The following TMEM266 variants were observed in gnomAD, a reference collection of about 807,000 sequenced individuals.
The protein encoded by TMEM266 is Hv1 related protein 1.
Under a neutral mutation model 50.5 loss-of-function variants are expected in TMEM266, and 33 were observed. The observed-to-expected ratio is 0.65, with a 90% CI of 0.50 to 0.87. TMEM266 has a LOEUF of 0.87. Ranked by LOEUF, TMEM266 falls within the 40% of genes least tolerant of loss-of-function variation. TMEM266 has a pLI of 0.00. For synonymous variants in TMEM266, 310 were observed against 292.3 expected (o/e 1.06, Z -0.62); for missense variants, 655 against 695.1 (o/e 0.94, Z 0.65).
intron 2 of TMEM266, among the ~76,000 whole-genome samples, chr15:76,136,003 G>C (rs1373384669): frequency 6.6e-6 from 1 of 151,838 alleles, no homozygotes; most frequent in Non-Finnish European, 1.5e-5. Flanking sequence ...GAGTGCAATG[G>C]CCCAATCTCA....
chr15:76,085,320 T>C (rs2036759734), intron 1 of TMEM266, among the ~76,000 whole-genome samples: 1 of 148,570 alleles, frequency 6.7e-6, no homozygotes, highest in African/African-American at 2.5e-5. Flanking sequence ...TGTAGTAGTG[T>C]GATCTTGGCT....
chr15:76,064,858 T>G (rs144620247), intron 1 of TMEM266, among the ~76,000 whole-genome samples: 1 of 152,222 alleles, frequency 6.6e-6, no homozygotes, highest in Non-Finnish European at 1.5e-5. Flanking sequence ...TTCAGCTTCT[T>G]TCCCTTGGCT....
At chr15:76,197,840 A>C (rs1166961285) in intron 9 of TMEM266, among the ~76,000 whole-genome samples, 1 of 152,242 alleles carries the variant, frequency 6.6e-6, no homozygotes, top group African/African-American at 2.4e-5. Flanking sequence ...AGCCTGGCCC[A>C]GCTGACTCAC....
chr15:76,164,848 G>A (rs1450922772), intron 5 of TMEM266, among the ~76,000 whole-genome samples: 2 of 152,276 alleles, frequency 1.3e-5, no homozygotes, highest in Middle Eastern at 3.4e-3. Context: ...CCTGGCTGGC[G>A]GGCCCCACAT....
At chr15:76,082,299 A>G (rs1467407622) in intron 1 of TMEM266, among the ~76,000 whole-genome samples, 1 of 152,158 alleles carries the variant, frequency 6.6e-6, no homozygotes, top group Non-Finnish European at 1.5e-5. Flanking sequence ...TATAAAGAAA[A>G]TAAGTTTCTT....
At chr15:76,103,620 G>A (rs1298443032) in intron 1 of TMEM266, among the ~76,000 whole-genome samples, 1 of 152,076 alleles carries the variant, frequency 6.6e-6, no homozygotes, top group African/African-American at 2.4e-5. Flanking sequence ...AGATAAAAAT[G>A]TGTATTTGGG....
chr15:76,102,980 G>A (rs2037026202), intron 1 of TMEM266, among the ~76,000 whole-genome samples: 1 of 152,056 alleles, frequency 6.6e-6, no homozygotes, highest in African/African-American at 2.4e-5. Flanking sequence ...GGCCAGGATA[G>A]GAAGCCATGG....
chr15:76,191,809 G>A (rs1185581884), intron 8 of TMEM266, 159 bp from the exon 9 acceptor site: 3 of 671,206 alleles, frequency 4.5e-6, no homozygotes, highest in African/African-American at 3.9e-5. Context: ...CTTGCGAACC[G>A]CGATGCTGGG....
chr15:76,173,613 T>C (rs1282021768), intron 7 of TMEM266, among the ~76,000 whole-genome samples: 2 of 152,160 alleles, frequency 1.3e-5, no homozygotes, highest in Admixed American at 1.3e-4. Flanking sequence ...AACAGTGTCT[T>C]AACACAGAAG....
intron 1 of TMEM266, among the ~76,000 whole-genome samples, chr15:76,080,455 T>C (rs1028892731): frequency 6.6e-6 from 1 of 150,808 alleles, no homozygotes; most frequent in Non-Finnish European, 1.5e-5. Flanking sequence ...TTTCACTATG[T>C]TGGTCAGGTG....
chr15:76,136,084 C>T (rs1003182303), intron 2 of TMEM266, among the ~76,000 whole-genome samples: 3 of 152,166 alleles, frequency 2.0e-5, no homozygotes, highest in Non-Finnish European at 2.9e-5. Flanking sequence ...GCTGGGATTA[C>T]AGGCATGCGC....
intron 8 of TMEM266, among the ~76,000 whole-genome samples, chr15:76,180,775 A>G (rs954713144): frequency 6.6e-5 from 10 of 151,556 alleles, no homozygotes; most frequent in Non-Finnish European, 1.2e-4. Context: ...CACCATGCCC[A>G]GCTAATTTTT....
At chr15:76,114,535 A>T (rs1243225370) in intron 1 of TMEM266, among the ~76,000 whole-genome samples, 1 of 151,790 alleles carries the variant, frequency 6.6e-6, no homozygotes, top group African/African-American at 2.4e-5. Context: ...AAAACAAAAA[A>T]CTCAGATATC....
chr15:76,091,009 A>G (rs540248904), intron 1 of TMEM266, among the ~76,000 whole-genome samples: 4 of 152,362 alleles, frequency 2.6e-5, no homozygotes, highest in South Asian at 4.1e-4. Flanking sequence ...ACATGTATCA[A>G]AATATCACTG....
intron 1 of TMEM266, among the ~76,000 whole-genome samples, chr15:76,083,412 C>G (rs534685037): frequency 1.3e-5 from 2 of 152,196 alleles, no homozygotes; most frequent in Admixed American, 6.5e-5. Flanking sequence ...TGGCCTGACA[C>G]TCGTCCCTCA....
chr15:76,187,293 C>T (rs1302226301), intron 8 of TMEM266, among the ~76,000 whole-genome samples: 5 of 152,234 alleles, frequency 3.3e-5, no homozygotes, highest in Admixed American at 6.5e-5. Flanking sequence ...TGAATTCCAG[C>T]GGGACATTCT....
intron 1 of TMEM266, among the ~76,000 whole-genome samples, chr15:76,085,845 G>C (rs909391013): frequency 6.6e-6 from 1 of 152,122 alleles, no homozygotes; most frequent in Non-Finnish European, 1.5e-5. Flanking sequence ...TCAGGAGTTT[G>C]AGACCAGTCT....
intron 1 of TMEM266, among the ~76,000 whole-genome samples, chr15:76,077,427 T>C (rs1316968324): frequency 6.6e-6 from 1 of 152,088 alleles, no homozygotes; most frequent in Non-Finnish European, 1.5e-5. Flanking sequence ...AATCCACAAA[T>C]GGTGGTGTGG....
chr15:76,131,004 G>A (rs1181383383), intron 1 of TMEM266, among the ~76,000 whole-genome samples: 1 of 152,146 alleles, frequency 6.6e-6, no homozygotes, highest in Non-Finnish European at 1.5e-5. Flanking sequence ...TGCCTGCCCA[G>A]AGAGACAGGA....
Sources: gnomAD v4.1 joint callset for allele counts (sites outside exome capture counted in the v4.1 genomes callset) on GRCh38, gnomAD v4.1.1 for gene constraint, MANE v1.5 for transcripts, NCBI Gene and HGNC (gene_info 2026-07-23, HGNC 2026-07-21) for gene names.